Variants in URI1 observed in about 807,000 individuals in gnomAD.
URI1 encodes URI1 prefoldin like chaperone, also known as unconventional prefoldin RPB5 interactor 1.
Under a neutral mutation model 60.2 loss-of-function variants are expected in URI1, and 39 were observed. The observed-to-expected ratio is 0.65, with a 90% CI of 0.50 to 0.85. The LOEUF (loss-of-function observed/expected upper bound fraction) is 0.85, where lower values mean the gene tolerates loss of function less well. Ranked by LOEUF, URI1 falls within the 40% of genes least tolerant of loss-of-function variation. The pLI is 0.00. For missense variants in URI1, 691 were observed against 665.9 expected (o/e 1.04, Z -0.42); for synonymous variants, 251 against 236.8 (o/e 1.06, Z -0.55).
At chr19:29,990,015 T>C (rs750304050) in intron 4 of URI1, among the ~76,000 whole-genome samples, 1 of 152,210 alleles carries the variant, frequency 6.6e-6, no homozygotes, top group South Asian at 2.1e-4. Flanking sequence ...TTTTATACTT[T>C]GATATTTTAC....
intron 10 of URI1, among the ~76,000 whole-genome samples, chr19:30,013,200 T>G (rs976447842): frequency 1.3e-5 from 2 of 152,224 alleles, no homozygotes; most frequent in African/African-American, 4.8e-5. Flanking sequence ...ATTTGAAGTT[T>G]TCAATTTAAA....
chr19:30,003,150 G>T (rs765044270), intron 4 of URI1, among the ~76,000 whole-genome samples: 3 of 151,982 alleles, frequency 2.0e-5, no homozygotes, highest in Non-Finnish European at 4.4e-5. Context: ...ACAACCTGTA[G>T]ATACGAATTT....
At chr19:29,981,658 A>G (rs1050959103) in intron 2 of URI1, among the ~76,000 whole-genome samples, 1 of 152,194 alleles carries the variant, frequency 6.6e-6, no homozygotes, top group African/African-American at 2.4e-5. Flanking sequence ...TTTAAAATTA[A>G]GAGTTGAAGG....
intron 1 of URI1, among the ~76,000 whole-genome samples, chr19:29,943,476 G>A (rs980219461): frequency 4.6e-5 from 7 of 152,158 alleles, no homozygotes; most frequent in African/African-American, 1.7e-4. Context: ...ACTTTGAAAA[G>A]CAGTATTTAA....
At chr19:29,974,625 T>C (rs972085515) in intron 2 of URI1, among the ~76,000 whole-genome samples, 17 of 152,148 alleles carry the variant, frequency 1.1e-4, no homozygotes, top group African/African-American at 4.1e-4. Context: ...GAGGTACATG[T>C]AGAGGTTTGT....
chr19:29,980,415 A>T (rs1029218227), intron 2 of URI1: 1 of 152,002 alleles, frequency 6.6e-6, no homozygotes, highest in Non-Finnish European at 1.5e-5. Flanking sequence ...TATATTGTAT[A>T]TATTCCAGAA....
chr19:29,926,346 T>C (rs2054868298), intron 1 of URI1, among the ~76,000 whole-genome samples: 2 of 151,644 alleles, frequency 1.3e-5, no homozygotes, highest in Admixed American at 1.3e-4. Flanking sequence ...GTGGTACAAT[T>C]ATAGCTTTTT....
At chr19:29,938,109 G>C (rs1313849556), upstream of URI1, 1 of 152,050 alleles carries the variant, frequency 6.6e-6, no homozygotes, top group Non-Finnish European at 1.5e-5. Context: ...CATCTGCTTT[G>C]GGCTCCCAAA....
intron 1 of URI1, chr19:29,956,738 A>T: frequency 6.4e-7 from 1 of 1,573,528 alleles, no homozygotes; most frequent in South Asian, 1.1e-5. Flanking sequence ...GCCCAGTGTA[A>T]CACCCTTGAT....
At chr19:29,949,205 C>T (rs1179893510) in intron 1 of URI1, among the ~76,000 whole-genome samples, 3 of 149,564 alleles carry the variant, frequency 2.0e-5, no homozygotes, top group South Asian at 2.1e-4. Flanking sequence ...GGGCGGCTGC[C>T]GGGCGGAGGG....
intron 1 of URI1, among the ~76,000 whole-genome samples, chr19:29,937,213 T>A (rs1295622744): frequency 6.6e-6 from 1 of 152,224 alleles, no homozygotes; most frequent in Non-Finnish European, 1.5e-5. Flanking sequence ...GCTCCAGGAT[T>A]TCTATTTTGT....
intron 1 of URI1, among the ~76,000 whole-genome samples, chr19:29,968,478 A>T (rs2055416401): frequency 6.6e-6 from 1 of 151,366 alleles, no homozygotes; most frequent in Non-Finnish European, 1.5e-5. Flanking sequence ...AAATAAGATT[A>T]TTTAGAATAA....
chr19:29,944,185 A>ATATATATATATATATG (rs1555736104), intron 1 of URI1, among the ~76,000 whole-genome samples: 11 of 100,714 alleles, frequency 1.1e-4, no homozygotes, highest in Non-Finnish European at 2.0e-4. Context: ...ATATATATAT[A>ATATATATATATATATG]TATATATAAA....
At chr19:29,964,873 TCTA>T (rs1406050683) in intron 1 of URI1, among the ~76,000 whole-genome samples, 6 of 151,784 alleles carry the variant, frequency 4.0e-5, no homozygotes, top group Non-Finnish European at 8.8e-5. Context: ...TTTTTTTTCT[TCTA>T]CTTGTATTTA....
chr19:29,924,498 G>T (rs757287814), intron 1 of URI1, among the ~76,000 whole-genome samples: 8 of 152,124 alleles, frequency 5.3e-5, no homozygotes, highest in Non-Finnish European at 7.3e-5. Flanking sequence ...TTTCATCCCT[G>T]GTCCTCATGA....
At chr19:29,929,818 GA>G (rs2054901003) in intron 1 of URI1, among the ~76,000 whole-genome samples, 1 of 151,414 alleles carries the variant, frequency 6.6e-6, no homozygotes. Flanking sequence ...ACAACTCAAT[GA>G]CAACAAAAAA....
intron 1 of URI1, among the ~76,000 whole-genome samples, chr19:29,962,598 C>CT (rs901194908): frequency 7.7e-4 from 108 of 139,554 alleles, no homozygotes; most frequent in East Asian, 1.0e-3. Context: ...CTTTACCCAT[C>CT]TTTTTTTTTT....
At chr19:29,974,478 T>C (rs1455240839) in intron 2 of URI1, among the ~76,000 whole-genome samples, 1 of 152,226 alleles carries the variant, frequency 6.6e-6, no homozygotes, top group Non-Finnish European at 1.5e-5. Flanking sequence ...TAGAGTAGTA[T>C]AGTGAATCCT....
At chr19:29,939,126 C>G (rs1436658084), upstream of URI1, among the ~76,000 whole-genome samples, 1 of 147,954 alleles carries the variant, frequency 6.8e-6, no homozygotes. Flanking sequence ...TACAGGCATG[C>G]ACCACCACAC....
Sources: allele counts gnomAD v4.1 joint callset (sites outside exome capture counted in the v4.1 genomes callset), GRCh38; gene constraint gnomAD v4.1.1; transcripts MANE v1.5; gene names NCBI Gene and HGNC (gene_info 2026-07-23, HGNC 2026-07-21).